The following SOX5 variants were observed in gnomAD, a reference collection of about 807,000 sequenced individuals.
The protein encoded by SOX5 is transcription factor SOX-5.
Under a neutral mutation model 92.0 loss-of-function variants are expected in SOX5, and 9 were observed. The ratio of observed to expected loss-of-function variants is 0.10; its 90% CI spans 0.06 to 0.17. The LOEUF is 0.17. Ranked by LOEUF, SOX5 falls within the 10% of genes least tolerant of loss-of-function variation. The pLI, the probability that SOX5 is intolerant of heterozygous loss-of-function variation, is 1.00. For missense variants in SOX5, 642 were observed against 944.5 expected, an observed-to-expected ratio of 0.68 and a Z score of 4.20; for synonymous variants, 344 against 336.3, an observed-to-expected ratio of 1.02 and a Z score of -0.25.
chr12:23,709,483 T>C (rs1274562013), intron 6 of SOX5, among the ~76,000 whole-genome samples: 1 of 151,934 alleles, frequency 6.6e-6, no homozygotes, highest in East Asian at 1.9e-4. Context: ...AAAAAGGAAA[T>C]GAAAAAATGT....
intron 4 of SOX5, among the ~76,000 whole-genome samples, chr12:24,035,046 T>G (rs562045138): frequency 6.6e-6 from 1 of 152,232 alleles, no homozygotes; most frequent in South Asian, 2.1e-4. Flanking sequence ...CACATTTTTG[T>G]CTGAAATCAT....
At chr12:23,621,432 G>A (rs2077169049) in intron 8 of SOX5, among the ~76,000 whole-genome samples, 2 of 152,058 alleles carry the variant, frequency 1.3e-5, no homozygotes, top group Non-Finnish European at 2.9e-5. Context: ...CTTAAACGTG[G>A]TTAAAATGTA....
At chr12:24,165,291 C>G (rs1201030618) in intron 4 of SOX5, among the ~76,000 whole-genome samples, 3 of 151,986 alleles carry the variant, frequency 2.0e-5, no homozygotes, top group Non-Finnish European at 4.4e-5. Context: ...GGCTATGGAG[C>G]TTATAAAATA....
chr12:23,657,557 T>C (rs2139217115), intron 7 of SOX5, among the ~76,000 whole-genome samples: 1 of 152,266 alleles, frequency 6.6e-6, no homozygotes, highest in South Asian at 2.1e-4. Context: ...TACTGGAGAT[T>C]TCCGTTGTAT....
chr12:23,792,250 C>T (rs1048653635), intron 3 of SOX5, among the ~76,000 whole-genome samples: 5 of 151,684 alleles, frequency 3.3e-5, no homozygotes, highest in Non-Finnish European at 5.9e-5. Flanking sequence ...AATAGAGATA[C>T]GAAAACCCCA....
chr12:24,459,703 T>C (rs1306555606), intron 1 of SOX5, among the ~76,000 whole-genome samples: 3 of 152,264 alleles, frequency 2.0e-5, no homozygotes, highest in Non-Finnish European at 4.4e-5. Flanking sequence ...TGACCTGTAT[T>C]AATACCTAAA....
chr12:23,897,791 A>T (rs1045898799), intron 1 of SOX5, among the ~76,000 whole-genome samples: 27 of 152,184 alleles, frequency 1.8e-4, no homozygotes, highest in Non-Finnish European at 2.2e-4. Context: ...CAAAATCTTA[A>T]TAGTACAGGT....
intron 1 of SOX5, among the ~76,000 whole-genome samples, chr12:23,924,036 G>A (rs1490846160): frequency 2.0e-5 from 3 of 152,112 alleles, no homozygotes; most frequent in Non-Finnish European, 2.9e-5. Context: ...AAAACATTGA[G>A]GGAGAATTTT....
chr12:23,552,199 A>C (rs1944338250), intron 11 of SOX5, among the ~76,000 whole-genome samples: 1 of 151,936 alleles, frequency 6.6e-6, no homozygotes, highest in Non-Finnish European at 1.5e-5. Context: ...AAATTTGAGG[A>C]AATATGACTT....
Position 24,045,866 on chromosome 12 carries a change from G to C in SOX5, c.-1-149842C>G, listed in dbSNP as rs114510010. ...GTTTCTATGGCCAGGGAGCTGCATG[G>C]TTCTCCTCTGTCTCACATGTTTTGG... On this transcript the variant is annotated intron_variant, in intron 4 of 4. Transcript: ENST00000446891. Among the ~76,000 whole-genome samples, 1,164 of 151,302 alleles carry C rather than the reference G, an allele frequency of 7.7e-3. 15 individuals are homozygous for C. Among genetic ancestry groups the C allele is most frequent in the African/African-American group, 0.026 (1,088 of 41,372 alleles).
chr12:24,273,576 C>T (rs1944043984), intron 3 of SOX5, among the ~76,000 whole-genome samples: 1 of 152,174 alleles, frequency 6.6e-6, no homozygotes, highest in African/African-American at 2.4e-5. Flanking sequence ...ATTTCTCTTG[C>T]ATTTTAGCTC....
intron 3 of SOX5, among the ~76,000 whole-genome samples, chr12:24,255,884 GAA>G (rs1236610170): frequency 1.3e-5 from 2 of 152,254 alleles, no homozygotes; most frequent in Admixed American, 1.3e-4. Context: ...GAGTGTTGGA[GAA>G]AAGACAGTAA....
intron 3 of SOX5, among the ~76,000 whole-genome samples, chr12:24,243,638 T>G (rs1460763785): frequency 6.6e-6 from 1 of 152,176 alleles, no homozygotes; most frequent in Non-Finnish European, 1.5e-5. Context: ...CCTTATAGAA[T>G]AGTGGTATTA....
chr12:24,119,508 T>A (rs1593331021), intron 4 of SOX5, among the ~76,000 whole-genome samples: 1 of 152,122 alleles, frequency 6.6e-6, no homozygotes, highest in South Asian at 2.1e-4. Context: ...AACGTAATTA[T>A]GTAAAGCCAT....
At chr12:24,405,516 G>A (rs533995596) in intron 1 of SOX5, among the ~76,000 whole-genome samples, 1 of 152,274 alleles carries the variant, frequency 6.6e-6, no homozygotes, top group African/African-American at 2.4e-5. Context: ...AACAGGATCA[G>A]AAGAGACCTT....
At chr12:23,688,582 A>G (rs776590279) in intron 6 of SOX5, among the ~76,000 whole-genome samples, 47 of 152,064 alleles carry the variant, frequency 3.1e-4, no homozygotes, top group Non-Finnish European at 5.6e-4. Flanking sequence ...TGCCTCACTT[A>G]CATTCTATAC....
At position 23,540,123 on chromosome 12, in the gene SOX5, CT is replaced by C. The variant is rs1181415144; in HGVS notation, c.1771+3087del. On this transcript the variant is annotated intron_variant, in intron 13 of 14. Coordinates refer to ENST00000451604, the MANE Select transcript of SOX5 (RefSeq NM_006940.6). ...AAAAAAAAAAAGAGAGAAAAAATAT[CT>C]ACTTGATTTGGGGGTGGCTGGCTGC... Among the ~76,000 whole-genome samples, 4 of 150,202 alleles carry C rather than the reference CT, an allele frequency of 2.7e-5. No homozygotes were observed. In the East Asian group the frequency reaches 5.8e-4, roughly 22 times the overall value.
intron 6 of SOX5, among the ~76,000 whole-genome samples, chr12:23,720,338 T>C (rs758015546): frequency 6.6e-6 from 1 of 152,188 alleles, no homozygotes; most frequent in Non-Finnish European, 1.5e-5. Flanking sequence ...AATATTTTTC[T>C]TAGCCAGAAT....
At chr12:24,553,146 G>A (rs1180832770) in intron 1 of SOX5, among the ~76,000 whole-genome samples, 1 of 152,206 alleles carries the variant, frequency 6.6e-6, no homozygotes, top group African/African-American at 2.4e-5. Context: ...GCCAGGTATT[G>A]TTAGTGCTCC....
Sources: allele counts gnomAD v4.1 joint callset (sites outside exome capture counted in the v4.1 genomes callset), GRCh38; gene constraint gnomAD v4.1.1; transcripts MANE v1.5; gene names NCBI Gene and HGNC (gene_info 2026-07-23, HGNC 2026-07-21).